FHIT: variants seen among roughly 807,000 people sequenced by gnomAD.
FHIT encodes bis(5'-adenosyl)-triphosphatase.
In FHIT, 19 loss-of-function variants were observed where a neutral mutation model predicts 17.9. The observed-to-expected ratio is 1.06, with a 90% CI of 0.74 to 1.56. The LOEUF is 1.56. Among genes scored for constraint, FHIT ranks in the 40% most tolerant of loss-of-function variants. The pLI, the probability that FHIT is intolerant of heterozygous loss-of-function variation, is 0.00. For missense variants in FHIT, 248 were observed against 189.2 expected (o/e 1.31, Z -1.82); for synonymous variants, 81 against 69.7 (o/e 1.16, Z -0.81).
At chr3:59,868,057 A>C (rs1482799051) in intron 8 of FHIT, among the ~76,000 whole-genome samples, 2 of 147,580 alleles carry the variant, frequency 1.4e-5, no homozygotes, top group East Asian at 3.9e-4. Context: ...TAAAAAAAAA[A>C]AAAAAAAAAC....
At chr3:59,869,602 C>A (rs917116148) in intron 8 of FHIT, among the ~76,000 whole-genome samples, 1 of 150,158 alleles carries the variant, frequency 6.7e-6, no homozygotes, top group Non-Finnish European at 1.5e-5. Flanking sequence ...CTGCCTCAGC[C>A]TCCCTAGTAG....
chr3:60,441,268 A>G (rs1559915348), intron 5 of FHIT, among the ~76,000 whole-genome samples: 2 of 152,070 alleles, frequency 1.3e-5, no homozygotes, highest in Non-Finnish European at 2.9e-5. Context: ...TGGCTGTACT[A>G]CCAGTAAGTT....
intron 5 of FHIT, among the ~76,000 whole-genome samples, chr3:60,202,559 T>G (rs1440038854): frequency 6.6e-6 from 1 of 152,216 alleles, no homozygotes; most frequent in African/African-American, 2.4e-5. Context: ...TGCCTGATTG[T>G]GGATGTGTAA....
chr3:60,677,087 G>T (rs2040637871), intron 4 of FHIT, among the ~76,000 whole-genome samples: 1 of 152,092 alleles, frequency 6.6e-6, no homozygotes, highest in Non-Finnish European at 1.5e-5. Context: ...ATGTTGCCCA[G>T]GCTAGTCTCC....
intron 5 of FHIT, among the ~76,000 whole-genome samples, chr3:60,077,729 C>CATATATATATATATAT (rs1403752107): frequency 6.0e-5 from 4 of 67,188 alleles, no homozygotes; most frequent in African/African-American, 2.0e-4. Flanking sequence ...CACACACACA[C>CATATATATATATATAT]ATATATAGAG....
intron 5 of FHIT, among the ~76,000 whole-genome samples, chr3:60,504,681 G>C (rs2034658621): frequency 6.6e-6 from 1 of 152,064 alleles, no homozygotes; most frequent in Non-Finnish European, 1.5e-5. Flanking sequence ...AACAAAATAA[G>C]AAAATAATTA....
intron 4 of FHIT, among the ~76,000 whole-genome samples, chr3:60,721,028 A>G (rs1170070884): frequency 2.0e-5 from 3 of 152,180 alleles, no homozygotes; most frequent in Non-Finnish European, 2.9e-5. Context: ...GGGTTAAGTG[A>G]TGACTTAACA....
chr3:61,210,057 T>C (rs1373258959), intron 1 of FHIT, among the ~76,000 whole-genome samples: 1 of 152,254 alleles, frequency 6.6e-6, no homozygotes, highest in Non-Finnish European at 1.5e-5. Flanking sequence ...GCAGGTCTGT[T>C]GGAGTTTCCT....
At chr3:59,997,645 T>A (rs2107491034) in intron 7 of FHIT, among the ~76,000 whole-genome samples, 1 of 152,286 alleles carries the variant, frequency 6.6e-6, no homozygotes, top group African/African-American at 2.4e-5. Context: ...TTATTCTGTT[T>A]AAAGAGAAGA....
At chr3:59,752,143 G>T in intron 9 of FHIT, 78 bp downstream of exon 9, 1 of 994,632 alleles carries the variant, frequency 1.0e-6, no homozygotes, top group Non-Finnish European at 1.5e-6. Context: ...GTGTTTTTGT[G>T]CATCCCCATT....
chr3:60,085,714 C>T (rs1002234530), intron 5 of FHIT, among the ~76,000 whole-genome samples: 85 of 152,144 alleles, frequency 5.6e-4, no homozygotes, highest in African/African-American at 2.1e-3. Flanking sequence ...CTCTCCTGTG[C>T]CCTACAGGCC....
intron 8 of FHIT, among the ~76,000 whole-genome samples, chr3:59,754,597 A>G (rs1701106909): frequency 6.6e-6 from 1 of 152,170 alleles, no homozygotes; most frequent in Non-Finnish European, 1.5e-5. Context: ...AAGACACAGA[A>G]ATAAAGCATT....
At chr3:60,684,192 G>A (rs1219191717) in intron 4 of FHIT, among the ~76,000 whole-genome samples, 7 of 152,086 alleles carry the variant, frequency 4.6e-5, no homozygotes, top group Non-Finnish European at 1.0e-4. Context: ...GAGGCTCTAG[G>A]AGGGATTCCA....
At chr3:59,952,431 C>T (rs528984514) in intron 7 of FHIT, among the ~76,000 whole-genome samples, 1 of 139,626 alleles carries the variant, frequency 7.2e-6, no homozygotes, top group African/African-American at 2.8e-5. Context: ...GTGGAGTCTC[C>T]TCCCTCTCTT....
chr3:60,289,543 A>C (rs1707882549), intron 5 of FHIT, among the ~76,000 whole-genome samples: 1 of 152,220 alleles, frequency 6.6e-6, no homozygotes, highest in Non-Finnish European at 1.5e-5. Context: ...GGGCTATTTA[A>C]GATTCCAGCA....
At chr3:61,215,122 A>G (rs2039629531) in intron 1 of FHIT, among the ~76,000 whole-genome samples, 1 of 151,538 alleles carries the variant, frequency 6.6e-6, no homozygotes, top group African/African-American at 2.4e-5. Context: ...CTCTCTCACC[A>G]CTCCTATTCA....
At chr3:60,848,713 G>T (rs146165636) in intron 3 of FHIT, among the ~76,000 whole-genome samples, 2 of 152,282 alleles carry the variant, frequency 1.3e-5, no homozygotes, top group African/African-American at 4.8e-5. Context: ...AAGATGAAAT[G>T]AGGTAATCTT....
chr3:60,521,696 G>A (rs949180492), intron 5 of FHIT, among the ~76,000 whole-genome samples: 9 of 152,084 alleles, frequency 5.9e-5, no homozygotes, highest in Non-Finnish European at 8.8e-5. Context: ...ATCTTCACAT[G>A]AGCAAATCAA....
chr3:60,861,231 T>TATATATGATATATATGATATATC (rs1703847599), intron 3 of FHIT, among the ~76,000 whole-genome samples: 1 of 52,196 alleles, frequency 1.9e-5, no homozygotes, highest in Non-Finnish European at 4.0e-5. Context: ...ATATATATGA[T>TATATATGATATATATGATATATC]ATATCATATC....
Sources: allele counts gnomAD v4.1 joint callset (sites outside exome capture counted in the v4.1 genomes callset), GRCh38; gene constraint gnomAD v4.1.1; transcripts MANE v1.5; gene names NCBI Gene and HGNC (gene_info 2026-07-23, HGNC 2026-07-21).